The following PEBP4 variants were observed in gnomAD, a reference collection of about 807,000 sequenced individuals.
The protein encoded by PEBP4 is phosphatidylethanolamine binding protein 4.
Under a neutral mutation model 23.9 loss-of-function variants are expected in PEBP4, and 22 were observed. The ratio of observed to expected loss-of-function variants is 0.92; its 90% CI spans 0.66 to 1.31. PEBP4 has a LOEUF of 1.31. Ranked by LOEUF, PEBP4 falls within the 40% of genes most tolerant of loss-of-function variation. The probability of loss-of-function intolerance (pLI) is 0.00; values close to 1 mark genes in which losing one functional copy is unlikely to be tolerated. For synonymous variants in PEBP4, 112 were observed against 99.3 expected (o/e 1.13, Z -0.76); for missense variants, 324 against 281.7 (o/e 1.15, Z -1.07).
chr8:22,792,118 C>A (rs1468185409), intron 4 of PEBP4, among the ~76,000 whole-genome samples: 1 of 152,100 alleles, frequency 6.6e-6, no homozygotes, highest in African/African-American at 2.4e-5. Flanking sequence ...CCCAGCCTCC[C>A]AAAGTGCTGG....
At chr8:22,806,570 A>C (rs1247056350) in intron 4 of PEBP4, among the ~76,000 whole-genome samples, 1 of 149,990 alleles carries the variant, frequency 6.7e-6, no homozygotes, top group African/African-American at 2.5e-5. Context: ...AGCCGAGATC[A>C]TGCCACTGCA....
At chr8:22,788,645 T>C (rs1015285259) in intron 4 of PEBP4, among the ~76,000 whole-genome samples, 5 of 152,254 alleles carry the variant, frequency 3.3e-5, no homozygotes, top group Non-Finnish European at 5.9e-5. Flanking sequence ...CTCTAAAATA[T>C]GACTGTCCTG....
chr8:22,809,327 C>A (rs575386861), intron 4 of PEBP4, among the ~76,000 whole-genome samples: 20 of 152,240 alleles, frequency 1.3e-4, no homozygotes, highest in African/African-American at 4.6e-4. Flanking sequence ...GCACTTGGAG[C>A]CCCGGTCCAG....
intron 3 of PEBP4, among the ~76,000 whole-genome samples, chr8:22,827,048 C>T (rs575196099): frequency 6.6e-6 from 1 of 152,092 alleles, no homozygotes; most frequent in Admixed American, 6.6e-5. Context: ...ACCCTCATTC[C>T]ACTTTTGAAG....
intron 4 of PEBP4, among the ~76,000 whole-genome samples, chr8:22,789,786 C>CA: frequency 6.6e-6 from 1 of 152,320 alleles, no homozygotes; most frequent in Non-Finnish European, 1.5e-5. Flanking sequence ...CTCCTTCCTC[C>CA]AGAAAAAATT....
chr8:22,838,283 G>T (rs1452012239), intron 3 of PEBP4, among the ~76,000 whole-genome samples: 2 of 152,112 alleles, frequency 1.3e-5, no homozygotes, highest in Non-Finnish European at 2.9e-5. Flanking sequence ...CACACAGTAG[G>T]TGCTTAAGAC....
At position 22,924,373 on chromosome 8, in the gene PEBP4, G is replaced by A. The variant is rs986018865; in HGVS notation, c.131+3211C>T. On this transcript the variant is annotated intron_variant, in intron 2 of 6. Coordinates refer to ENST00000256404, the MANE Select transcript of PEBP4 (RefSeq NM_144962.3). ...ACAAGACTCTGTCTCTAAAAGAAATGTATTTAAACAGGAGAGACCAAGGCC... is the reference window on the plus strand; with the variant it reads ...ACAAGACTCTGTCTCTAAAAGAAATATATTTAAACAGGAGAGACCAAGGCC... Among the ~76,000 whole-genome samples, 6 of 152,022 alleles carry A rather than the reference G, an allele frequency of 3.9e-5. No homozygotes were observed. In the South Asian group the frequency reaches 1.0e-3, roughly 26 times the overall value.
At chr8:22,761,235 GGTGT>G (rs141053955) in intron 4 of PEBP4, among the ~76,000 whole-genome samples, 2 of 151,482 alleles carry the variant, frequency 1.3e-5, no homozygotes, top group Non-Finnish European at 3.0e-5. Flanking sequence ...TGTGGGGTGG[GGTGT>G]GTGTGTGTGT....
chr8:22,810,444 G>A (rs572737726), intron 4 of PEBP4, among the ~76,000 whole-genome samples: 3 of 152,054 alleles, frequency 2.0e-5, no homozygotes, highest in African/African-American at 7.2e-5. Context: ...CAACCCCCTC[G>A]CTTCCTAAGA....
At chr8:22,756,643 G>A (rs762654964) in intron 4 of PEBP4, among the ~76,000 whole-genome samples, 7 of 152,228 alleles carry the variant, frequency 4.6e-5, no homozygotes, top group Non-Finnish European at 1.0e-4. Context: ...GATGCCAGGA[G>A]CAGATTGTCC....
At chr8:22,916,227 G>A (rs1462260669) in intron 3 of PEBP4, among the ~76,000 whole-genome samples, 2 of 152,210 alleles carry the variant, frequency 1.3e-5, no homozygotes, top group East Asian at 1.9e-4. Context: ...TCCAGCTGGC[G>A]AAATTTAAGG....
At chr8:22,838,668 C>T (rs1453675860) in intron 3 of PEBP4, among the ~76,000 whole-genome samples, 3 of 152,278 alleles carry the variant, frequency 2.0e-5, no homozygotes, top group South Asian at 2.1e-4. Context: ...CAGGAAGCCT[C>T]GGCGGTGAAG....
At chr8:22,911,327 GC>G (rs928271458) in intron 3 of PEBP4, among the ~76,000 whole-genome samples, 1 of 151,964 alleles carries the variant, frequency 6.6e-6, no homozygotes, top group Admixed American at 6.6e-5. Context: ...TATGACAACT[GC>G]CCCTGCCAGC....
intron 3 of PEBP4, chr8:22,879,185 G>A (rs1808191024): frequency 6.6e-6 from 1 of 152,262 alleles, no homozygotes; most frequent in Non-Finnish European, 1.5e-5. Context: ...TGATCTGTGT[G>A]AGGCCACAGA....
chr8:22,901,570 G>A (rs1407230722), intron 3 of PEBP4, among the ~76,000 whole-genome samples: 1 of 152,100 alleles, frequency 6.6e-6, no homozygotes, highest in Non-Finnish European at 1.5e-5. Flanking sequence ...GCTCGACTAA[G>A]GCAACCTCCA....
At chr8:22,808,848 TTTG>T (rs1806555928) in intron 4 of PEBP4, among the ~76,000 whole-genome samples, 2 of 152,342 alleles carry the variant, frequency 1.3e-5, no homozygotes, top group African/African-American at 4.8e-5. Flanking sequence ...TTTGATTTGA[TTTG>T]ATTTTTTTAT....
At chr8:22,756,843 C>G (rs576793910) in intron 4 of PEBP4, 1 of 152,068 alleles carries the variant, frequency 6.6e-6, no homozygotes, top group Non-Finnish European at 1.5e-5. Context: ...CCAGGGAGTA[C>G]CTGACCTCCC....
chr8:22,858,700 A>C (rs1807706483), intron 3 of PEBP4, among the ~76,000 whole-genome samples: 1 of 152,198 alleles, frequency 6.6e-6, no homozygotes, highest in African/African-American at 2.4e-5. Context: ...TAATCCCAGC[A>C]CTTTGGGAGG....
intron 4 of PEBP4, among the ~76,000 whole-genome samples, chr8:22,730,536 A>G (rs533027998): frequency 5.9e-5 from 9 of 152,294 alleles, no homozygotes; most frequent in African/African-American, 2.2e-4. Context: ...ACACTGTCTC[A>G]AAACAAATAT....
Sources: gnomAD v4.1 joint callset for allele counts (sites outside exome capture counted in the v4.1 genomes callset) on GRCh38, gnomAD v4.1.1 for gene constraint, MANE v1.5 for transcripts, NCBI Gene and HGNC (gene_info 2026-07-23, HGNC 2026-07-21) for gene names.